UCP2: variants seen among roughly 807,000 people sequenced by gnomAD.
UCP2 encodes the protein dicarboxylate carrier SLC25A8.
In UCP2, 27 loss-of-function variants were observed where a neutral mutation model predicts 31.3. The observed-to-expected ratio is 0.86, with a 90% CI of 0.64 to 1.19. The LOEUF (loss-of-function observed/expected upper bound fraction) is 1.19, where lower values mean the gene tolerates loss of function less well. Among genes scored for constraint, UCP2 ranks in the 50% most tolerant of loss-of-function variants. The pLI, the probability that UCP2 is intolerant of heterozygous loss-of-function variation, is 0.00. For synonymous variants in UCP2, 142 were observed against 157.4 expected (o/e 0.90, Z 0.73); for missense variants, 377 against 413.5 (o/e 0.91, Z 0.76).
At chr11:73,980,667 C>G (rs1004945031) in intron 2 of UCP2, 1 of 152,258 alleles carries the variant, frequency 6.6e-6, no homozygotes, top group Non-Finnish European at 1.5e-5. Flanking sequence ...AAGAGCCACA[C>G]TTACAGGCAC....
chr11:73,978,709 A>G (rs930858860), intron 2 of UCP2: 5 of 376,294 alleles, frequency 1.3e-5, no homozygotes, highest in African/African-American at 2.1e-5. Flanking sequence ...CACTGCAGGG[A>G]GAGTCTGGAT....
chr11:73,981,209 G>A (rs749248305), intron 2 of UCP2: 15 of 152,092 alleles, frequency 9.9e-5, no homozygotes, highest in African/African-American at 1.7e-4. Flanking sequence ...GCTGGCTCCC[G>A]GGATGACTTG....
In UCP2 at chr11:73,978,268, A is replaced by G; in HGVS notation, c.111T>C (p.Ala37=). 3 of 1,614,202 alleles carry G rather than the reference A, an allele frequency of 1.9e-6. No homozygotes were observed. Among genetic ancestry groups the G allele is most frequent in the South Asian group, 1.1e-5 (1 of 91,084 alleles). The change falls in exon 3 of 8, where the codon GCT becomes GCC. Residue 37 remains alanine (A), a synonymous_variant. Transcript: ENST00000663595. The stretch of plus-strand genomic sequence containing the variant: ...ATCCCCTCACCTGTAACCGGACTTT[A>G]GCAGTATCCAGAGGAAAGGTGATGA... ...ADLITFPLDT[A]KVRLQIQGES...
rs1417901107 is a variant in UCP2 at position 73,975,087 on chromosome 11, T to C, written c.850A>G (p.Asn284Asp). ...MPSFLRLGSW[N>D]VVMFVTYEQL... ...TCATAGGTGACGAACATCACCACGT[T>C]CCAGGAACCCAAGCGGAGAAAGGAG... is the stretch of plus-strand genomic sequence containing the variant. The change falls in exon 8 of 8, where the codon AAC becomes GAC. Residue 284 changes from asparagine (N) to aspartate (D), a missense_variant. Transcript: ENST00000663595. 16 of 1,613,644 alleles carry C rather than the reference T, an allele frequency of 9.9e-6. No individual in the cohort carries two copies. Among genetic ancestry groups the C allele is most frequent in the Non-Finnish European group, 1.4e-5 (16 of 1,179,846 alleles).
intron 7 of UCP2, among the ~76,000 whole-genome samples, 153 bp from the exon 8 acceptor site, chr11:73,975,274 T>C (rs1489857479): frequency 1.3e-5 from 2 of 152,196 alleles, no homozygotes; most frequent in Non-Finnish European, 2.9e-5. Flanking sequence ...TAAGCATGAA[T>C]TCCCTTTGAG....
intron 4 of UCP2, 97 bp downstream of exon 4, chr11:73,977,789 A>G: frequency 6.6e-7 from 1 of 1,510,974 alleles, no homozygotes. Flanking sequence ...CTTCCTAGGG[A>G]TCGTGGGGCC....
Position 73,977,934 on chromosome 11 carries a change from T to A in UCP2, c.289A>T (p.Ile97Phe), listed in dbSNP as rs372149923. The A allele has an allele frequency of 1.2e-6, 2 of 1,614,072 alleles. No homozygotes were observed. Residue 97 changes from isoleucine to phenylalanine, a missense_variant, in exon 4 of 8, where the codon ATC (isoleucine) becomes TTC (phenylalanine). By Grantham distance (21) the Ile-to-Phe change is conservative. Coordinates refer to ENST00000663595, the MANE Select transcript of UCP2 (RefSeq NM_003355.3). ...TGTTTGACAGAATCATACAGGCCGA[T>A]GCGGACAGAGGCAAAGCTCATTTGG... ...QRQMSFASVRIGLYDSVKQFY... is the reference protein window; with the variant it reads ...QRQMSFASVRFGLYDSVKQFY...
At position 73,976,662 on chromosome 11, in the gene UCP2, G is replaced by A; in HGVS notation, c.613C>T (p.Leu205=). 1 of 1,614,166 alleles carries A rather than the reference G, an allele frequency of 6.2e-7. No homozygotes were observed. The highest frequency in any genetic ancestry group is 8.5e-7 in the Non-Finnish European group (1 of 1,180,026). ...TCACCTGTCATGAGGTTGGCTTTCA[G>A]GAGGGCATCCTTGATGAGGTCATAG... ...VTYDLIKDAL[L]KANLMTDDLP... is the part of the protein sequence containing the mutation. Residue 205 remains leucine (L), a synonymous_variant, in exon 6 of 8, where the codon CTG becomes TTG. Transcript: ENST00000663595.
chr11:73,977,539 C>A (rs1241166383), intron 4 of UCP2, among the ~76,000 whole-genome samples: 1 of 152,182 alleles, frequency 6.6e-6, no homozygotes, highest in Non-Finnish European at 1.5e-5. Flanking sequence ...AGACGAGTGT[C>A]CTGGCTCTCT....
chr11:73,977,803 A>T (rs946106885), intron 4 of UCP2, 83 bp downstream of exon 4: 7 of 1,590,108 alleles, frequency 4.4e-6, no homozygotes, highest in Admixed American at 1.7e-5. Flanking sequence ...TGGGGCCTAA[A>T]AAACTATATG....
intron 6 of UCP2, 43 bp from the exon 7 acceptor site, chr11:73,975,714 T>C (rs760972817): frequency 6.2e-7 from 1 of 1,610,634 alleles, no homozygotes; most frequent in South Asian, 1.1e-5. Flanking sequence ...TCTTCACCCA[T>C]CATTCCAGAA....
In UCP2 at chr11:73,977,866, C is replaced by T. The variant is rs1276000875; in HGVS notation, c.337+20G>A. 6.2e-6 allele frequency: 10 copies of T among 1,614,128 alleles called. No individual in the cohort carries two copies. Among genetic ancestry groups the T allele is most frequent in the Non-Finnish European group, 8.5e-6 (10 of 1,179,958 alleles). On this transcript the variant is annotated intron_variant, in intron 4 of 7. Transcript: ENST00000663595. ...TGAGAAAAAAGGGCCAAGGGGCCTA[C>T]ACCCTTGCTCCATACTCACGCTCAG... is the stretch of plus-strand genomic sequence containing the variant.
At position 73,974,833 on chromosome 11, in the gene UCP2, A is replaced by G; in HGVS notation, c.*174T>C. ...TGTCAACTCCACCAGCACTGAGACA[A>G]TGAGTAGATGAGAATGTAGAAAGAG... On this transcript the variant is annotated 3_prime_UTR_variant, in exon 8 of 8. Transcript: ENST00000663595. The G allele has an allele frequency of 1.5e-6, 1 of 677,708 alleles. No homozygotes were observed. Among genetic ancestry groups the G allele is most frequent in the Non-Finnish European group, 2.7e-6 (1 of 373,740 alleles). The allele number at this position is 677,708 out of a possible 1,614,324, so 42.0% of individuals were successfully genotyped here.
intron 1 of UCP2, among the ~76,000 whole-genome samples, chr11:73,982,504 G>A (rs1951476336): frequency 6.6e-6 from 1 of 152,264 alleles, no homozygotes; most frequent in Non-Finnish European, 1.5e-5. Context: ...GAACCTGGGA[G>A]GTGGAGGCTG....
intron 2 of UCP2, 83 bp from the exon 3 acceptor site, chr11:73,978,560 A>G: frequency 1.2e-6 from 1 of 852,442 alleles, no homozygotes. Flanking sequence ...ACCTTCCCTA[A>G]TAGAACCAAG....
Position 73,978,492 on chromosome 11 carries a change from G to T in UCP2, c.-99-15C>A. ...TCTGCCGGAATCTAAGCCAAGAGGA[G>T]AAAAGCCCCATTAGCCACAATGTCC... On this transcript the variant is annotated splice_polypyrimidine_tract_variant and intron_variant, in intron 2 of 7. Coordinates refer to ENST00000663595, the MANE Select transcript of UCP2 (RefSeq NM_003355.3). The T allele has an allele frequency of 6.7e-7, 1 of 1,489,038 alleles. No individual in the cohort carries two copies. The highest frequency in any genetic ancestry group is 9.1e-7 in the Non-Finnish European group (1 of 1,097,152). The allele number at this position is 1,489,038 out of a possible 1,614,324, so 92.2% of individuals were successfully genotyped here.
chr11:73,981,104 C>T (rs915187100), intron 2 of UCP2: 1 of 152,188 alleles, frequency 6.6e-6, no homozygotes, highest in Non-Finnish European at 1.5e-5. Context: ...TAACCAGTTT[C>T]AGAGCCGGGC....
At position 73,974,902 on chromosome 11, in the gene UCP2, A is replaced by T. The variant is rs1198274739; in HGVS notation, c.*105T>A. ...GAGCGGAAGGAAGAGGTGGGGAAAGAGGGAAGGAGAGAAGGGAAGGAGGGA... is the reference window on the plus strand; with the variant it reads ...GAGCGGAAGGAAGAGGTGGGGAAAGTGGGAAGGAGAGAAGGGAAGGAGGGA... On this transcript the variant is annotated 3_prime_UTR_variant, in exon 8 of 8. Transcript: ENST00000663595. The T allele has an allele frequency of 4.0e-5, 38 of 953,706 alleles. No homozygotes were observed. The highest frequency in any genetic ancestry group is 5.5e-5 in the Non-Finnish European group (33 of 604,136). The allele number at this position is 953,706 out of a possible 1,614,324, so 59.1% of individuals were successfully genotyped here.
chr11:73,975,156 T>G, intron 7 of UCP2, 35 bp from the exon 8 acceptor site: 1 of 1,556,774 alleles, frequency 6.4e-7, no homozygotes, highest in Non-Finnish European at 8.8e-7. Context: ...TGGGGGCACC[T>G]CCACCTCCCA....
Sources: gnomAD v4.1 joint callset for allele counts (sites outside exome capture counted in the v4.1 genomes callset) on GRCh38, gnomAD v4.1.1 for gene constraint, MANE v1.5 for transcripts, NCBI Gene and HGNC (gene_info 2026-07-23, HGNC 2026-07-21) for gene names.